Variants in PID1 observed in about 807,000 individuals in gnomAD.
PID1 encodes phosphotyrosine interaction domain containing 1.
A neutral mutation model predicts 19.1 loss-of-function variants in PID1; 10 were observed. That is an observed-to-expected ratio of 0.52 (90% confidence interval 0.32 to 0.89). The LOEUF is 0.89. Among genes scored for constraint, PID1 ranks in the 40% least tolerant of loss-of-function variants. The pLI is 0.03. For missense variants in PID1, 248 were observed against 285.3 expected (o/e 0.87, Z 0.94); for synonymous variants, 130 against 116.0 (o/e 1.12, Z -0.78).
intron 1 of PID1, among the ~76,000 whole-genome samples, chr2:229,185,669 A>G (rs1559275669): frequency 6.6e-6 from 1 of 152,064 alleles, no homozygotes; most frequent in African/African-American, 2.4e-5. Context: ...ATCATATCTC[A>G]TGAGACTTAC....
chr2:229,093,166 T>C (rs1214954436), intron 2 of PID1, among the ~76,000 whole-genome samples: 2 of 150,384 alleles, frequency 1.3e-5, no homozygotes, highest in Non-Finnish European at 3.0e-5. Context: ...GGAGTCTCGC[T>C]CTGTCACCCA....
intron 2 of PID1, among the ~76,000 whole-genome samples, chr2:229,064,887 C>G (rs1694290271): frequency 6.6e-6 from 1 of 152,124 alleles, no homozygotes; most frequent in South Asian, 2.1e-4. Context: ...CTATATAAAG[C>G]CAGCATAATG....
At chr2:229,238,951 T>C (rs1689795786) in intron 1 of PID1, among the ~76,000 whole-genome samples, 1 of 152,182 alleles carries the variant, frequency 6.6e-6, no homozygotes, top group Admixed American at 6.6e-5. Context: ...CCACTAATTA[T>C]TGTTACTATT....
intron 2 of PID1, among the ~76,000 whole-genome samples, chr2:229,121,441 A>G (rs1329291484): frequency 2.6e-5 from 4 of 152,202 alleles, no homozygotes; most frequent in Non-Finnish European, 5.9e-5. Flanking sequence ...CATCCAAGCT[A>G]TAGTCTTTGC....
At chr2:229,254,028 T>A (rs1030117295) in intron 1 of PID1, among the ~76,000 whole-genome samples, 3 of 152,186 alleles carry the variant, frequency 2.0e-5, no homozygotes, top group Admixed American at 6.5e-5. Context: ...GCCAGCATTG[T>A]CAGCTATGAC....
intron 2 of PID1, among the ~76,000 whole-genome samples, chr2:229,101,754 TC>T (rs1473267543): frequency 1.3e-5 from 2 of 152,170 alleles, no homozygotes; most frequent in Non-Finnish European, 2.9e-5. Context: ...ATCACCAGCT[TC>T]AATTGCCTTC....
intron 2 of PID1, among the ~76,000 whole-genome samples, chr2:229,073,117 T>C (rs1989277): frequency 1 from 151,826 of 152,340 alleles, 75,660 homozygotes; most frequent in Non-Finnish European, 1. Flanking sequence ...GCTCCGTCTC[T>C]CAGGTTCACA....
intron 1 of PID1, among the ~76,000 whole-genome samples, chr2:229,185,037 T>C (rs1403766155): frequency 5.5e-5 from 8 of 144,326 alleles, no homozygotes; most frequent in Non-Finnish European, 9.0e-5. Flanking sequence ...CTATATATCC[T>C]ATATATATGC....
At chr2:229,149,452 C>T (rs1222506964) in intron 2 of PID1, among the ~76,000 whole-genome samples, 1 of 152,060 alleles carries the variant, frequency 6.6e-6, no homozygotes, top group Non-Finnish European at 1.5e-5. Flanking sequence ...ATTTCTAAGA[C>T]TGGCTGTTTT....
intron 1 of PID1, among the ~76,000 whole-genome samples, chr2:229,180,304 A>T (rs1325825649): frequency 1.3e-5 from 2 of 152,218 alleles, no homozygotes; most frequent in Non-Finnish European, 2.9e-5. Context: ...GTTGGGAATT[A>T]GTAATCCATC....
chr2:229,260,755 T>G (rs932650121), intron 1 of PID1, among the ~76,000 whole-genome samples: 3 of 151,826 alleles, frequency 2.0e-5, no homozygotes, highest in Non-Finnish European at 4.4e-5. Context: ...TTTTGTAATT[T>G]TTTACAATCA....
At chr2:229,063,831 C>T (rs948098157) in intron 2 of PID1, among the ~76,000 whole-genome samples, 3 of 151,960 alleles carry the variant, frequency 2.0e-5, no homozygotes, top group Non-Finnish European at 4.4e-5. Context: ...TATATATTTA[C>T]AATTGTTATA....
chr2:229,141,045 ACT>A (rs1457929582), intron 2 of PID1, among the ~76,000 whole-genome samples: 1 of 150,276 alleles, frequency 6.7e-6, no homozygotes, highest in Non-Finnish European at 1.5e-5. Context: ...TCTCAGACTG[ACT>A]CTAGTATCTA....
chr2:229,141,602 C>T (rs893796210), intron 2 of PID1, among the ~76,000 whole-genome samples: 6 of 151,822 alleles, frequency 4.0e-5, no homozygotes, highest in Admixed American at 6.6e-5. Context: ...ATAAGTGTCA[C>T]GAAAACAACT....
chr2:229,250,348 G>A (rs1000921714), intron 1 of PID1, among the ~76,000 whole-genome samples: 4 of 152,110 alleles, frequency 2.6e-5, no homozygotes, highest in Non-Finnish European at 5.9e-5. Context: ...ACATGCCATT[G>A]GACAAAATGC....
At chr2:229,217,510 C>T (rs1055929918) in intron 1 of PID1, among the ~76,000 whole-genome samples, 2 of 152,088 alleles carry the variant, frequency 1.3e-5, no homozygotes, top group Non-Finnish European at 2.9e-5. Flanking sequence ...GAGAGAGGAG[C>T]AGGTGGCTCC....
At chr2:229,045,760 G>C (rs775026181) in intron 2 of PID1, among the ~76,000 whole-genome samples, 1 of 152,230 alleles carries the variant, frequency 6.6e-6, no homozygotes, top group African/African-American at 2.4e-5. Flanking sequence ...AATGTCTCAA[G>C]CCAAGGTGCT....
intron 2 of PID1, among the ~76,000 whole-genome samples, chr2:229,032,438 A>G (rs941724320): frequency 2.0e-5 from 3 of 152,226 alleles, no homozygotes; most frequent in African/African-American, 7.2e-5. Flanking sequence ...AAAGAGGTGA[A>G]TACTTTCTAG....
At chr2:229,085,001 C>T (rs1269426014) in intron 2 of PID1, among the ~76,000 whole-genome samples, 2 of 152,078 alleles carry the variant, frequency 1.3e-5, no homozygotes, top group East Asian at 3.9e-4. Context: ...TCCTTCCTTT[C>T]TCCTTATCGT....
Sources: gnomAD v4.1 joint callset for allele counts (sites outside exome capture counted in the v4.1 genomes callset) on GRCh38, gnomAD v4.1.1 for gene constraint, MANE v1.5 for transcripts, NCBI Gene and HGNC (gene_info 2026-07-23, HGNC 2026-07-21) for gene names.